Variants in PDZD2 observed in about 807,000 individuals in gnomAD.
The protein encoded by PDZD2 is PDZ domain-containing protein 2.
PDZD2 carries 90 observed loss-of-function variants against 220.7 expected under a neutral mutation model. That is an observed-to-expected ratio of 0.41 (90% CI 0.34 to 0.49). The LOEUF is 0.49. Ranked by LOEUF, PDZD2 falls within the 20% of genes least tolerant of loss-of-function variation. PDZD2 has a pLI of 0.28. For missense variants in PDZD2, 3,174 were observed against 3,608.5 expected (o/e 0.88, Z 3.08); for synonymous variants, 1,375 against 1,450.5 (o/e 0.95, Z 1.18).
chr5:32,107,646 T>TGTTA (rs990442663), intron 24 of PDZD2, among the ~76,000 whole-genome samples: 7 of 152,224 alleles, frequency 4.6e-5, no homozygotes, highest in Non-Finnish European at 7.3e-5. Flanking sequence ...CTTTATTTTG[T>TGTTA]GTTATTCTTG....
intron 2 of PDZD2, among the ~76,000 whole-genome samples, chr5:31,886,455 C>T (rs865916988): frequency 5.9e-5 from 9 of 152,150 alleles, no homozygotes; most frequent in Non-Finnish European, 8.8e-5. Context: ...CCTCTCTCCT[C>T]TCTGCTGAGG....
At chr5:31,925,150 C>T (rs1182935520) in intron 2 of PDZD2, among the ~76,000 whole-genome samples, 1 of 152,162 alleles carries the variant, frequency 6.6e-6, no homozygotes, top group Non-Finnish European at 1.5e-5. Flanking sequence ...TAAGTGAGGC[C>T]ATGGAAAGTC....
At chr5:31,710,376 T>C (rs1349424716) in intron 1 of PDZD2, among the ~76,000 whole-genome samples, 1 of 152,168 alleles carries the variant, frequency 6.6e-6, no homozygotes, top group Non-Finnish European at 1.5e-5. Context: ...AAAGTTTCAA[T>C]AAATCAGCGT....
At chr5:31,959,625 C>T (rs931713028) in intron 2 of PDZD2, among the ~76,000 whole-genome samples, 2 of 152,128 alleles carry the variant, frequency 1.3e-5, no homozygotes, top group Admixed American at 6.6e-5. Flanking sequence ...GCTGGGATTA[C>T]GGGCATGAGC....
intron 10 of PDZD2, among the ~76,000 whole-genome samples, 178 bp from the exon 11 acceptor site, chr5:32,057,477 T>C (rs568892399): frequency 6.6e-6 from 1 of 152,364 alleles, no homozygotes; most frequent in East Asian, 1.9e-4. Context: ...AAAGAATATG[T>C]GTTGTCATTA....
At chr5:31,973,507 A>G (rs1273507968) in intron 2 of PDZD2, among the ~76,000 whole-genome samples, 1 of 152,222 alleles carries the variant, frequency 6.6e-6, no homozygotes, top group Non-Finnish European at 1.5e-5. Context: ...GCTTCAGCAC[A>G]GAGGGATATT....
chr5:31,993,707 C>T (rs1230288557), intron 3 of PDZD2, among the ~76,000 whole-genome samples: 1 of 152,218 alleles, frequency 6.6e-6, no homozygotes. Flanking sequence ...TATCATATGT[C>T]ATTTGTTTCA....
intron 2 of PDZD2, among the ~76,000 whole-genome samples, chr5:31,926,823 C>T (rs1393956994): frequency 2.0e-5 from 3 of 151,226 alleles, no homozygotes; most frequent in African/African-American, 4.9e-5. Flanking sequence ...AACCTATGTG[C>T]CCATTAATGC....
intron 14 of PDZD2, among the ~76,000 whole-genome samples, chr5:32,064,620 T>C (rs1183420626): frequency 1.3e-5 from 2 of 152,206 alleles, no homozygotes; most frequent in Non-Finnish European, 2.9e-5. Flanking sequence ...TTACCTCTAA[T>C]GTTGTGGTTA....
At chr5:31,745,808 G>T (rs2150171603) in intron 1 of PDZD2, among the ~76,000 whole-genome samples, 2 of 68,568 alleles carry the variant, frequency 2.9e-5, no homozygotes, top group South Asian at 2.1e-3. Flanking sequence ...TCATGTAAAT[G>T]ATTTTTTTTT....
At chr5:31,673,601 A>G (rs981161157) in intron 1 of PDZD2, among the ~76,000 whole-genome samples, 1 of 152,166 alleles carries the variant, frequency 6.6e-6, no homozygotes, top group African/African-American at 2.4e-5. Flanking sequence ...ATGGGATGGT[A>G]TTACGAGCTG....
chr5:31,756,572 T>A (rs551315543), intron 1 of PDZD2, among the ~76,000 whole-genome samples: 15 of 152,248 alleles, frequency 9.9e-5, no homozygotes, highest in African/African-American at 3.6e-4. Flanking sequence ...ATACCAGACC[T>A]CCTCTGGATA....
chr5:31,913,342 G>GAAA (rs11422444), intron 2 of PDZD2, among the ~76,000 whole-genome samples: 1 of 146,244 alleles, frequency 6.8e-6, no homozygotes, highest in Admixed American at 6.8e-5. Flanking sequence ...CTTCCTTGGG[G>GAAA]AAAAAAAAAA....
At chr5:32,042,368 C>A (rs1237236514) in intron 7 of PDZD2, among the ~76,000 whole-genome samples, 1 of 150,834 alleles carries the variant, frequency 6.6e-6, no homozygotes, top group Non-Finnish European at 1.5e-5. Flanking sequence ...TCGAGACGAG[C>A]CTGGTCAACA....
intron 2 of PDZD2, among the ~76,000 whole-genome samples, chr5:31,886,756 G>T (rs1371727174): frequency 6.6e-6 from 1 of 151,248 alleles, no homozygotes; most frequent in South Asian, 2.1e-4. Context: ...GGAGTGCAGT[G>T]GTGCGATCTC....
At chr5:32,097,458 A>C (rs564535656) in intron 22 of PDZD2, 78 bp downstream of exon 22, 1 of 855,502 alleles carries the variant, frequency 1.2e-6, no homozygotes, top group Non-Finnish European at 2.0e-6. Flanking sequence ...CACAAATTCC[A>C]ATCAGCGGGT....
intron 1 of PDZD2, among the ~76,000 whole-genome samples, chr5:31,693,350 T>C (rs1271322441): frequency 6.6e-6 from 1 of 151,246 alleles, no homozygotes; most frequent in Non-Finnish European, 1.5e-5. Context: ...TAAGCGATTC[T>C]TCGGTCTCAG....
chr5:31,676,584 T>G (rs1746431956), intron 1 of PDZD2, among the ~76,000 whole-genome samples: 1 of 150,854 alleles, frequency 6.6e-6, no homozygotes. Flanking sequence ...TTTTTTTTTT[T>G]GAGACAGAGT....
intron 7 of PDZD2, among the ~76,000 whole-genome samples, 198 bp from the exon 8 acceptor site, chr5:32,048,341 C>T (rs147894667): frequency 2.0e-5 from 3 of 152,156 alleles, no homozygotes; most frequent in African/African-American, 7.2e-5. Context: ...TAGCCTGACA[C>T]TAATGGCTTC....
Sources: allele counts gnomAD v4.1 joint callset (sites outside exome capture counted in the v4.1 genomes callset), GRCh38; gene constraint gnomAD v4.1.1; transcripts MANE v1.5; gene names NCBI Gene and HGNC (gene_info 2026-07-23, HGNC 2026-07-21).